Variants in XPOT observed in about 807,000 individuals in gnomAD.
XPOT encodes the protein exportin-T.
A neutral mutation model predicts 128.2 loss-of-function variants in XPOT; 34 were observed. That is an observed-to-expected ratio of 0.27 (90% CI 0.20 to 0.35). The LOEUF (loss-of-function observed/expected upper bound fraction) is 0.35, where lower values mean the gene tolerates loss of function less well. Among genes scored for constraint, XPOT ranks in the 10% least tolerant of loss-of-function variants. XPOT has a pLI of 1.00. For missense variants in XPOT, 838 were observed against 1,125.3 expected (o/e 0.74, Z 3.65); for synonymous variants, 348 against 394.3 (o/e 0.88, Z 1.39).
chr12:64,447,171 C>A (rs2040372857), intron 24 of XPOT, among the ~76,000 whole-genome samples: 1 of 152,194 alleles, frequency 6.6e-6, no homozygotes, highest in Non-Finnish European at 1.5e-5. Context: ...ATGATTCAAT[C>A]ATCTCCCACC....
At chr12:64,446,708 C>A (rs1380496602) in intron 24 of XPOT, among the ~76,000 whole-genome samples, 2 of 150,914 alleles carry the variant, frequency 1.3e-5, no homozygotes, top group Non-Finnish European at 2.9e-5. Flanking sequence ...TGTAGTTCTT[C>A]AAAAATCCTG....
chr12:64,410,184 A>G (rs1365899136), intron 2 of XPOT, 89 bp downstream of exon 2: 2 of 1,290,050 alleles, frequency 1.6e-6, no homozygotes, highest in Non-Finnish European at 2.2e-6. Flanking sequence ...GCAAAAGTTT[A>G]CTTTGGGTAG....
chr12:64,439,230 CTT>C lies in XPOT; in HGVS notation c.2734-11_2734-10del. The C allele has an allele frequency of 1.2e-6, 2 of 1,612,530 alleles. No individual in the cohort carries two copies. The highest frequency in any genetic ancestry group is 1.7e-6 in the Non-Finnish European group (2 of 1,178,802). ...CAAGCAAGAAAATAGTTGTAAGTAT[CTT>C]TTAATCTTCAGGGCCCAGAATGTGT... On this transcript the variant is annotated splice_polypyrimidine_tract_variant and intron_variant, in intron 22 of 24. Coordinates refer to ENST00000332707, the MANE Select transcript of XPOT (RefSeq NM_007235.6).
intron 11 of XPOT, among the ~76,000 whole-genome samples, chr12:64,423,615 G>T (rs535126100): frequency 6.6e-6 from 1 of 151,978 alleles, no homozygotes; most frequent in East Asian, 1.9e-4. Flanking sequence ...CACCATGCCC[G>T]GCTAATTCTT....
In XPOT at chr12:64,435,666, C is replaced by T. The variant is rs764678188; in HGVS notation, c.2725C>T (p.Leu909Phe). 2.5e-6 allele frequency: 4 copies of T among 1,601,798 alleles called. No homozygotes were observed. The South Asian group carries it at 4.5e-5, about 18-fold the overall frequency. Residue 909 changes from leucine to phenylalanine, a missense_variant, in exon 22 of 25, where the codon CTC becomes TTC. This residue lies in a region of XPOT where 56 missense variants were observed against 79.2 expected (regional missense o/e 0.71). Transcript: ENST00000332707. ...TGCAGTGACACTGAAAACAATTCAT[C>T]TCAAACGGGTAAGCCTTTTAGTCCA... The part of the protein sequence containing the change: ...ECAVTLKTIH[L>F]KRGPECVQYL...
At chr12:64,409,512 G>C (rs1391642999) in intron 1 of XPOT, 1 of 152,512 alleles carries the variant, frequency 6.6e-6, no homozygotes, top group African/African-American at 2.4e-5. Context: ...AAGGCGGGCG[G>C]ATCACGAGGT....
chr12:64,423,491 T>A (rs1397010637), intron 11 of XPOT, among the ~76,000 whole-genome samples: 1 of 152,098 alleles, frequency 6.6e-6, no homozygotes, highest in African/African-American at 2.4e-5. Context: ...TCTCACTCTG[T>A]CACCCAGGCT....
rs925156905 is a variant in XPOT, at chr12:64,448,053, A to T, written c.2863-52A>T. On this transcript the variant is annotated intron_variant, in intron 24 of 24. Coordinates refer to ENST00000332707, the MANE Select transcript of XPOT (RefSeq NM_007235.6). ...GATACTTGGAGCCATTCTTCAGGTG[A>T]AAGTGATATCTTCTGACATTAGTAT... 9.1e-6 allele frequency: 14 copies of T among 1,540,158 alleles called. No individual in the cohort carries two copies. In the African/African-American group the frequency reaches 1.9e-4, roughly 21 times the overall value.
chr12:64,434,456 C>A, intron 19 of XPOT, 51 bp from the exon 20 acceptor site: 1 of 1,292,646 alleles, frequency 7.7e-7, no homozygotes, highest in Non-Finnish European at 1.1e-6. Context: ...CTTCAGGTTG[C>A]TTTCCTAGTT....
At chr12:64,427,496 TTTGTTG>T (rs147489872) in intron 15 of XPOT, among the ~76,000 whole-genome samples, 1 of 152,026 alleles carries the variant, frequency 6.6e-6, no homozygotes, top group African/African-American at 2.4e-5. Flanking sequence ...TTCATTGTTT[TTTGTTG>T]TTATTTTTTT....
chr12:64,433,644 G>T (rs539154772), intron 19 of XPOT, 41 bp downstream of exon 19: 1 of 1,533,436 alleles, frequency 6.5e-7, no homozygotes, highest in African/African-American at 1.4e-5. Context: ...GCTTAAGTCT[G>T]TGTCACTGTT....
At chr12:64,424,022 A>G (rs978045750) in intron 11 of XPOT, among the ~76,000 whole-genome samples, 3 of 152,128 alleles carry the variant, frequency 2.0e-5, no homozygotes, top group East Asian at 1.9e-4. Context: ...GCTTTGTTCT[A>G]AAGTGTTGTA....
chr12:64,405,889 T>A (rs928151072), intron 1 of XPOT, among the ~76,000 whole-genome samples: 2 of 152,176 alleles, frequency 1.3e-5, no homozygotes, highest in African/African-American at 4.8e-5. Context: ...GTGCTGGGAT[T>A]ACAGGCGTGA....
rs1015621547 is a variant in XPOT at position 64,445,002 on chromosome 12, A to C, written c.2806-73A>C. 103 of 1,318,772 alleles carry C rather than the reference A, an allele frequency of 7.8e-5. 1 individual carries two copies. The highest frequency in any genetic ancestry group is 1.0e-5 in the Non-Finnish European group (10 of 956,564). The allele number at this position is 1,318,772 out of a possible 1,614,324, so 81.7% of individuals were successfully genotyped here. ...AAAAAAAAAAAATTAAAAAAAAAAA[A>C]CTGGATACGAATTACAATGGATTTA... On this transcript the variant is annotated intron_variant, in intron 23 of 24. Transcript: ENST00000332707.
intron 18 of XPOT, 95 bp from the exon 19 acceptor site, chr12:64,433,319 T>C: frequency 8.1e-7 from 1 of 1,235,058 alleles, no homozygotes; most frequent in East Asian, 2.5e-5. Context: ...GCATGCATCC[T>C]AAATAGAAAA....
Position 64,439,320 on chromosome 12 carries a change from G to A in XPOT, c.2805+5G>A. ...GTAGCTCCAGAAATAATTCAGGTAA[G>A]AGCTATTTCTTACCATTGTGTAGGC... On this transcript the variant is annotated splice_donor_5th_base_variant and intron_variant, in intron 23 of 24. Coordinates refer to ENST00000332707, the MANE Select transcript of XPOT (RefSeq NM_007235.6). The A allele has an allele frequency of 6.2e-7, 1 of 1,613,428 alleles. No homozygotes were observed. The highest frequency in any genetic ancestry group is 8.5e-7 in the Non-Finnish European group (1 of 1,179,436).
At chr12:64,415,085 CATTTT>C in intron 3 of XPOT, 96 bp downstream of exon 3, 1 of 713,334 alleles carries the variant, frequency 1.4e-6, no homozygotes, top group Non-Finnish European at 2.4e-6. Flanking sequence ...TTCATAAAAA[CATTTT>C]ATGACTTTTT....
rs762809476 is a variant in XPOT, at chr12:64,435,679, G to T, written c.2733+5G>T. On this transcript the variant is annotated splice_donor_5th_base_variant and intron_variant, in intron 22 of 24. Transcript: ENST00000332707. ...AAAACAATTCATCTCAAACGGGTAA[G>T]CCTTTTAGTCCATGCCCCTTCATTT... is the stretch of plus-strand genomic sequence containing the variant. 6.2e-7 allele frequency: 1 copy of T among 1,601,944 alleles called. No individual in the cohort carries two copies. The highest frequency in any genetic ancestry group is 8.5e-7 in the Non-Finnish European group (1 of 1,172,630).
At position 64,445,203 on chromosome 12, in the gene XPOT, C is replaced by G; in HGVS notation, c.2862+72C>G. 9 of 1,165,016 alleles carry G rather than the reference C, an allele frequency of 7.7e-6. No homozygotes were observed. The South Asian group carries it at 1.2e-4, about 16-fold the overall frequency. The allele number at this position is 1,165,016 out of a possible 1,614,324, so 72.2% of individuals were successfully genotyped here. A position where few individuals can be genotyped will look rare whatever the true frequency, so the allele number is the denominator to read the frequency against. Reference sequence around the variant, plus strand: ...TTGAGAGCCAAGAGAGAATACATACCTGCAATTATAGATGTTTATGTGAAG... The same window carrying G: ...TTGAGAGCCAAGAGAGAATACATACGTGCAATTATAGATGTTTATGTGAAG... On this transcript the variant is annotated intron_variant, in intron 24 of 24. Transcript: ENST00000332707.
Sources: allele counts gnomAD v4.1 joint callset (sites outside exome capture counted in the v4.1 genomes callset), GRCh38; gene constraint gnomAD v4.1.1; regional missense constraint gnomAD v4.1.1; transcripts MANE v1.5; gene names NCBI Gene and HGNC (gene_info 2026-07-23, HGNC 2026-07-21).